The following DEFB107B variants were observed in gnomAD, a reference collection of about 807,000 sequenced individuals.
DEFB107B encodes defensin beta 107B.
rs1259489099 is a variant in DEFB107B, at chr8:7,502,522, A to G, written c.70+6519A>G. Among the ~76,000 whole-genome samples the G allele has an allele frequency of 9.0e-5, 2 of 22,170 alleles. 1 individual carries two copies. The highest frequency in any genetic ancestry group is 1.7e-4 in the African/African-American group (2 of 11,986). The allele number at this position is 22,170 out of a possible 152,430, so 14.5% of individuals were successfully genotyped here. A position where few individuals can be genotyped will look rare whatever the true frequency, so the allele number is the denominator to read the frequency against. On this transcript the variant is annotated intron_variant, in intron 1 of 1. Transcript: ENST00000355602. Reference sequence around the variant, plus strand: ...CTGAATTTTTTCTTCCACTAATTTAATTTCTTTTGTTGCCTCTGGGGTTAA... The same window carrying G: ...CTGAATTTTTTCTTCCACTAATTTAGTTTCTTTTGTTGCCTCTGGGGTTAA...
chr8:7,496,422 C>G (rs1811739169), intron 1 of DEFB107B, among the ~76,000 whole-genome samples: 2 of 147,406 alleles, frequency 1.4e-5, no homozygotes, highest in Non-Finnish European at 3.0e-5. Flanking sequence ...GCCTCAGCCT[C>G]CCGAGTAGCT....
rs1244325590 is a variant in DEFB107B at position 7,499,011 on chromosome 8, C to T, written c.70+3008C>T. ...TGTAGTACTTCCAATGGTCTTAACC[C>T]AAGTGACAGGGTTAAGATTTGCGAG... On this transcript the variant is annotated intron_variant, in intron 1 of 1. Coordinates refer to ENST00000355602, the MANE Select transcript of DEFB107B (RefSeq NM_001040705.2). 2.8e-4 allele frequency among the ~76,000 whole-genome samples: 6 copies of T among 21,116 alleles called. 3 individuals are homozygous for T. Among genetic ancestry groups the T allele is most frequent in the Middle Eastern group, 0.024 (2 of 84 alleles). 13.9% of individuals were successfully genotyped at this position (21,116 alleles called of 152,430 possible). A position where few individuals can be genotyped will look rare whatever the true frequency, so the allele number is the denominator to read the frequency against.
At position 7,497,886 on chromosome 8, in the gene DEFB107B, G is replaced by T. The variant is rs1262392444; in HGVS notation, c.70+1883G>T. On this transcript the variant is annotated intron_variant, in intron 1 of 1. Transcript: ENST00000355602. ...ATCAATATAAAAGGTGTAGGGGTGGGTTGCCCCTACCCACCTGTGGGTGTT... is the reference window on the plus strand; with the variant it reads ...ATCAATATAAAAGGTGTAGGGGTGGTTTGCCCCTACCCACCTGTGGGTGTT... 1.7e-4 allele frequency among the ~76,000 whole-genome samples: 4 copies of T among 23,542 alleles called. 2 individuals are homozygous for T. Among genetic ancestry groups the T allele is most frequent in the African/African-American group, 3.0e-4 (4 of 13,350 alleles). The allele number at this position is 23,542 out of a possible 152,430, so 15.4% of individuals were successfully genotyped here.
At chr8:7,508,286 T>G (rs1264053140) in intron 1 of DEFB107B, among the ~76,000 whole-genome samples, 6 of 139,242 alleles carry the variant, frequency 4.3e-5, no homozygotes, top group South Asian at 2.2e-4. Context: ...CAAAATATAT[T>G]CCACATGATA....
chr8:7,508,105 G>A (rs1811988501), intron 1 of DEFB107B, among the ~76,000 whole-genome samples: 1 of 125,050 alleles, frequency 8.0e-6, no homozygotes, highest in South Asian at 2.5e-4. Flanking sequence ...GTGTATGTGT[G>A]TGCGTGTGTG....
intron 1 of DEFB107B, among the ~76,000 whole-genome samples, chr8:7,496,823 G>T (rs1811767232): frequency 9.1e-6 from 1 of 109,580 alleles, no homozygotes; most frequent in Non-Finnish European, 1.8e-5. Flanking sequence ...AGACTTTTTG[G>T]CTTTCACACA....
intron 1 of DEFB107B, among the ~76,000 whole-genome samples, chr8:7,496,339 G>A (rs1169863486): frequency 1.6e-4 from 8 of 51,288 alleles, no homozygotes; most frequent in Admixed American, 3.4e-4. Context: ...TCGCGCTGTC[G>A]CCCAGGCTGG....
chr8:7,496,523 A>G (rs1365618706), intron 1 of DEFB107B, among the ~76,000 whole-genome samples: 1 of 151,824 alleles, frequency 6.6e-6, no homozygotes, highest in Non-Finnish European at 1.5e-5. Flanking sequence ...GATGGTCTTG[A>G]TGTCCTGACT....
Position 7,498,254 on chromosome 8 carries a change from C to T in DEFB107B, c.70+2251C>T, listed in dbSNP as rs1301811135. Among the ~76,000 whole-genome samples the T allele has an allele frequency of 8.0e-4, 9 of 11,316 alleles. 3 individuals carry two copies. Among genetic ancestry groups the T allele is most frequent in the Middle Eastern group, 0.017 (1 of 58 alleles). 7.4% of individuals were successfully genotyped at this position (11,316 alleles called of 152,430 possible). On this transcript the variant is annotated intron_variant, in intron 1 of 1. Coordinates refer to ENST00000355602, the MANE Select transcript of DEFB107B (RefSeq NM_001040705.2). Reference sequence around the variant, plus strand: ...GTATTGCTGCCCGCAGGTCCCACCTCCAGCCCTAAGGCGGTTTTTCCCTAT... The same window carrying T: ...GTATTGCTGCCCGCAGGTCCCACCTTCAGCCCTAAGGCGGTTTTTCCCTAT...
intron 1 of DEFB107B, among the ~76,000 whole-genome samples, chr8:7,497,551 T>TTCAGTGACTCCATGAAAGTC: frequency 1.3e-5 from 2 of 152,136 alleles, no homozygotes; most frequent in African/African-American, 4.8e-5. Context: ...CCATGAAAGT[T>TTCAGTGACTCCATGAAAGTC]TCAGTGACTC....
intron 1 of DEFB107B, among the ~76,000 whole-genome samples, chr8:7,496,536 G>A (rs1387245764): frequency 4.6e-5 from 7 of 151,504 alleles, no homozygotes; most frequent in Non-Finnish European, 8.8e-5. Context: ...TCCTGACTTC[G>A]TGATCCGCCC....
At chr8:7,507,920 G>A (rs1811978799) in intron 1 of DEFB107B, among the ~76,000 whole-genome samples, 1 of 146,328 alleles carries the variant, frequency 6.8e-6, no homozygotes, top group Non-Finnish European at 1.5e-5. Context: ...ACTGCTTTGG[G>A]ACAGTTTAAC....
At chr8:7,497,364 T>C (rs1184062127) in intron 1 of DEFB107B, among the ~76,000 whole-genome samples, 2 of 152,250 alleles carry the variant, frequency 1.3e-5, no homozygotes, top group Non-Finnish European at 2.9e-5. Context: ...ATAACTTTAA[T>C]ATGAAACAGT....
chr8:7,497,218 T>A (rs1194866769), intron 1 of DEFB107B, among the ~76,000 whole-genome samples: 1 of 151,660 alleles, frequency 6.6e-6, no homozygotes, highest in South Asian at 2.1e-4. Context: ...GCATGGACAT[T>A]GACCTTAATT....
At chr8:7,497,292 T>G (rs546475134) in intron 1 of DEFB107B, among the ~76,000 whole-genome samples, 33 of 152,334 alleles carry the variant, frequency 2.2e-4, no homozygotes, top group Non-Finnish European at 4.1e-4. Context: ...TAGTGGTAAA[T>G]AAGCTTTCAA....
At chr8:7,502,392 C>T (rs1279898034) in intron 1 of DEFB107B, among the ~76,000 whole-genome samples, 1 of 21,888 alleles carries the variant, frequency 4.6e-5, no homozygotes, top group Non-Finnish European at 1.9e-4. Flanking sequence ...ATGACCACTC[C>T]ACAAGATCAG....
chr8:7,496,215 C>T (rs1195457042), intron 1 of DEFB107B, among the ~76,000 whole-genome samples: 1 of 108,030 alleles, frequency 9.3e-6, no homozygotes, highest in African/African-American at 3.7e-5. Context: ...AACAGCTCTG[C>T]CAAGGAATTC....
chr8:7,496,546 C>G (rs1310891973), intron 1 of DEFB107B, among the ~76,000 whole-genome samples: 2 of 151,472 alleles, frequency 1.3e-5, no homozygotes, highest in East Asian at 1.9e-4. Flanking sequence ...GTGATCCGCC[C>G]TCCTCGGCCT....
At chr8:7,496,447 C>T (rs1811741471) in intron 1 of DEFB107B, among the ~76,000 whole-genome samples, 1 of 150,636 alleles carries the variant, frequency 6.6e-6, no homozygotes, top group African/African-American at 2.4e-5. Flanking sequence ...CTACACGCAC[C>T]CGCCACCACG....
Sources: gnomAD v4.1 joint callset for allele counts (sites outside exome capture counted in the v4.1 genomes callset) on GRCh38, gnomAD v4.1.1 for gene constraint, MANE v1.5 for transcripts, NCBI Gene and HGNC (gene_info 2026-07-23, HGNC 2026-07-21) for gene names.